ARID1B: variants seen among roughly 807,000 people sequenced by gnomAD.
ARID1B encodes the protein AT-rich interaction domain 1B, also known as AT-rich interactive domain-containing protein 1B.
Under a neutral mutation model 212.3 loss-of-function variants are expected in ARID1B, and 30 were observed. That is an observed-to-expected ratio of 0.14 (90% CI 0.11 to 0.19). The LOEUF is 0.19. ARID1B is among the 10% of genes least tolerant of loss of function. ARID1B has a pLI of 1.00. For missense variants in ARID1B, 2,891 were observed against 3,204.0 expected, an observed-to-expected ratio of 0.90 and a Z score of 2.36; for synonymous variants, 1,402 against 1,301.7, an observed-to-expected ratio of 1.08 and a Z score of -1.66.
chr6:157,196,637 A>C (rs1419657026), intron 16 of ARID1B, among the ~76,000 whole-genome samples: 5 of 151,946 alleles, frequency 3.3e-5, no homozygotes, highest in Non-Finnish European at 7.4e-5. Flanking sequence ...CCAGCTGCAC[A>C]CTCCAGACAT....
intron 4 of ARID1B, among the ~76,000 whole-genome samples, chr6:157,068,363 T>G (rs1159601690): frequency 6.6e-6 from 1 of 152,232 alleles, no homozygotes; most frequent in East Asian, 1.9e-4. Context: ...GTAGCTGTCT[T>G]CAGCTGAATC....
Position 157,206,102 on chromosome 6 carries a change from C to T in ARID1B, c.5395-65C>T, listed in dbSNP as rs982128319. 21 of 1,508,676 alleles carry T rather than the reference C, an allele frequency of 1.4e-5. No homozygotes were observed. Among genetic ancestry groups the T allele is most frequent in the East Asian group, 1.4e-4 (6 of 44,214 alleles). 93.5% of individuals were successfully genotyped at this position (1,508,676 alleles called of 1,614,324 possible). A position where few individuals can be genotyped will look rare whatever the true frequency, so the allele number is the denominator to read the frequency against. On this transcript the variant is annotated intron_variant, in intron 19 of 19. Coordinates refer to ENST00000636930, the MANE Select transcript of ARID1B (RefSeq NM_001374828.1). The surrounding 1 kb of genome is among the most constrained non-coding windows in gnomAD (Gnocchi z 6.8). Reference sequence around the variant, plus strand: ...CGGGTCTCAGGATCTTTACCCTCCTCGGTCATATCTGATGTCATGACATTG... The same window carrying T: ...CGGGTCTCAGGATCTTTACCCTCCTTGGTCATATCTGATGTCATGACATTG...
chr6:157,057,544 CT>C (rs1316459955), intron 4 of ARID1B, among the ~76,000 whole-genome samples: 3 of 152,168 alleles, frequency 2.0e-5, no homozygotes, highest in African/African-American at 7.2e-5. Context: ...CCACCTCAGC[CT>C]CCCAAGTAGC....
At chr6:157,166,278 A>C (rs528807017) in intron 8 of ARID1B, 1 of 152,314 alleles carries the variant, frequency 6.6e-6, no homozygotes, top group Admixed American at 6.5e-5. Flanking sequence ...CCTCTTTGCA[A>C]GAGTGAAGAG....
At chr6:156,958,724 CCTT>C (rs1402209404) in intron 4 of ARID1B, among the ~76,000 whole-genome samples, 3 of 151,842 alleles carry the variant, frequency 2.0e-5, no homozygotes, top group Non-Finnish European at 4.4e-5. Flanking sequence ...TCGTCTTCCT[CCTT>C]CCTTTTGGAA....
chr6:156,883,642 C>A (rs150543607), intron 2 of ARID1B, among the ~76,000 whole-genome samples: 3 of 152,152 alleles, frequency 2.0e-5, no homozygotes, highest in Non-Finnish European at 4.4e-5. Flanking sequence ...TCTCACTCTC[C>A]GATCCTCACC....
intron 2 of ARID1B, among the ~76,000 whole-genome samples, chr6:156,855,497 C>G (rs72998911): frequency 0.03 from 4,549 of 152,276 alleles, 113 homozygotes; most frequent in Non-Finnish European, 0.044. Context: ...ACACGCTTAC[C>G]TTTATTTTCA....
rs1793897502 is a variant in ARID1B at position 156,955,494 on chromosome 6, T to C, written c.2247+19918T>C. Among the ~76,000 whole-genome samples the C allele has an allele frequency of 6.6e-6, 1 of 152,236 alleles. No homozygotes were observed. Among genetic ancestry groups the C allele is most frequent in the Non-Finnish European group, 1.5e-5 (1 of 68,038 alleles). ...CCAGAATGACTTATTGTGGATTATA[T>C]ATGACTTCCAATGATGTAACACATA... On this transcript the variant is annotated intron_variant, in intron 4 of 19. Coordinates refer to ENST00000636930, the MANE Select transcript of ARID1B (RefSeq NM_001374828.1). The surrounding 1 kb of genome is among the most constrained non-coding windows in gnomAD (Gnocchi z 4.2).
In ARID1B at chr6:157,037,087, A is replaced by G. The variant is rs539717748; in HGVS notation, c.2248-47575A>G. On this transcript the variant is annotated intron_variant, in intron 4 of 19. Transcript: ENST00000636930. Reference sequence around the variant, plus strand: ...CCTTCTTTGTTGTGTAGAAAGAAACAATACAGGAAAACAAGAGTTTCGTTT... The same window carrying G: ...CCTTCTTTGTTGTGTAGAAAGAAACGATACAGGAAAACAAGAGTTTCGTTT... Among the ~76,000 whole-genome samples the G allele has an allele frequency of 3.3e-5, 5 of 152,324 alleles. No homozygotes were observed. In the South Asian group the frequency reaches 8.3e-4, roughly 25 times the overall value.
chr6:157,133,316 C>G, intron 7 of ARID1B, 109 bp downstream of exon 7: 2 of 1,256,484 alleles, frequency 1.6e-6, no homozygotes, highest in South Asian at 3.3e-5. Flanking sequence ...GATCCATTAT[C>G]TGTTACCTGA....
At chr6:157,181,536 A>G (rs150000654) in intron 12 of ARID1B, among the ~76,000 whole-genome samples, 1,675 of 152,338 alleles carry the variant, frequency 0.011, 27 homozygotes, top group African/African-American at 0.038. Flanking sequence ...GACTGAATTA[A>G]TTATCTGTGT....
chr6:157,168,669 C>T (rs1471526755), intron 9 of ARID1B: 1 of 152,218 alleles, frequency 6.6e-6, no homozygotes, highest in Non-Finnish European at 1.5e-5. Flanking sequence ...AGTGCCCTGC[C>T]TCAGAAGATT....
chr6:157,127,422 T>C (rs1788205339), intron 6 of ARID1B, among the ~76,000 whole-genome samples: 1 of 152,038 alleles, frequency 6.6e-6, no homozygotes, highest in African/African-American at 2.4e-5. Context: ...TTTGGGAGGC[T>C]GAGGCAGGCG....
rs559419605 is a variant in ARID1B at position 157,038,261 on chromosome 6, A to G, written c.2248-46401A>G. On this transcript the variant is annotated intron_variant, in intron 4 of 19. Coordinates refer to ENST00000636930, the MANE Select transcript of ARID1B (RefSeq NM_001374828.1). ...TAGGAAGGTTGGTAGAAACTATTACAGAACACCAGGTATTGGTGATGACCC... is the reference window on the plus strand; with the variant it reads ...TAGGAAGGTTGGTAGAAACTATTACGGAACACCAGGTATTGGTGATGACCC... Among the ~76,000 whole-genome samples the G allele has an allele frequency of 4.6e-5, 7 of 152,338 alleles. No homozygotes were observed. The East Asian group carries it at 1.2e-3, about 25-fold the overall frequency.
chr6:157,043,488 C>T (rs997537565), intron 4 of ARID1B, among the ~76,000 whole-genome samples: 1 of 152,154 alleles, frequency 6.6e-6, no homozygotes, highest in Non-Finnish European at 1.5e-5. Context: ...TAGCCCAATT[C>T]TATTACGTGG....
chr6:157,186,971 C>T (rs1184567001), intron 13 of ARID1B, among the ~76,000 whole-genome samples: 1 of 152,208 alleles, frequency 6.6e-6, no homozygotes, highest in African/African-American at 2.4e-5. Flanking sequence ...GGCTGCACCC[C>T]ACATATCACT....
At chr6:157,184,665 C>T in intron 13 of ARID1B, 1 of 591,040 alleles carries the variant, frequency 1.7e-6, no homozygotes, top group Admixed American at 3.0e-5. Flanking sequence ...GAAGGCACCC[C>T]TTCTTTTGCT....
intron 2 of ARID1B, among the ~76,000 whole-genome samples, chr6:156,877,176 A>G (rs1786630459): frequency 6.6e-6 from 1 of 152,196 alleles, no homozygotes; most frequent in African/African-American, 2.4e-5. Context: ...ATAAAATGAA[A>G]ATCTGATATG....
chr6:157,138,317 C>A (rs1789082804), intron 7 of ARID1B, among the ~76,000 whole-genome samples: 2 of 152,098 alleles, frequency 1.3e-5, no homozygotes, highest in Non-Finnish European at 2.9e-5. Context: ...CTCACTGCAA[C>A]CTCGAGCTCT....
Sources: allele counts gnomAD v4.1 joint callset (sites outside exome capture counted in the v4.1 genomes callset), GRCh38; gene constraint gnomAD v4.1.1; non-coding constraint Gnocchi (gnomAD v3.1); transcripts MANE v1.5; gene names NCBI Gene and HGNC (gene_info 2026-07-23, HGNC 2026-07-21).